Variants in AGTPBP1 observed in about 807,000 individuals in gnomAD.
AGTPBP1 encodes cytosolic carboxypeptidase 1.
Under a neutral mutation model 143.9 loss-of-function variants are expected in AGTPBP1, and 70 were observed. The ratio of observed to expected loss-of-function variants is 0.49; its 90% CI spans 0.40 to 0.59. AGTPBP1 has a LOEUF of 0.59. Ranked by LOEUF, AGTPBP1 falls within the 20% of genes least tolerant of loss-of-function variation. AGTPBP1 has a pLI of 0.00. For missense variants in AGTPBP1, 1,229 were observed against 1,464.5 expected, an observed-to-expected ratio of 0.84 and a Z score of 2.62; for synonymous variants, 463 against 500.2, an observed-to-expected ratio of 0.93 and a Z score of 0.99.
At chr9:85,625,914 T>TTG (rs1831259056) in intron 14 of AGTPBP1, among the ~76,000 whole-genome samples, 1 of 148,916 alleles carries the variant, frequency 6.7e-6, no homozygotes, top group African/African-American at 2.4e-5. Context: ...GTTTTTTTTT[T>TTG]TTTTTTTTTT....
At position 85,706,801 on chromosome 9, in the gene AGTPBP1, G is replaced by A. The variant is rs1395225036; in HGVS notation, c.32+5701C>T. Among the ~76,000 whole-genome samples, 8 of 152,112 alleles carry A rather than the reference G, an allele frequency of 5.3e-5. No homozygotes were observed. The South Asian group carries it at 6.2e-4, about 12-fold the overall frequency. ...TGAGGCAGGAGAATGGCGTAAACCC[G>A]GGAGGCAGAGCTTGCAGTGAGCCGA... On this transcript the variant is annotated intron_variant, in intron 2 of 25. Coordinates refer to ENST00000357081, the MANE Select transcript of AGTPBP1 (RefSeq NM_001330701.2).
At chr9:85,774,131 T>C in the AGTPBP1 span, 4 of 876,684 alleles carry the variant, frequency 4.6e-6, no homozygotes, top group Admixed American at 8.8e-5. Flanking sequence ...AAGCTCAACA[T>C]GTTTAAATAG....
chr9:85,571,731 T>C (rs895086256), intron 25 of AGTPBP1, among the ~76,000 whole-genome samples: 1 of 152,214 alleles, frequency 6.6e-6, no homozygotes, highest in African/African-American at 2.4e-5. Context: ...ACAGTATCCA[T>C]GATAGTCTTG....
chr9:85,575,852 G>T (rs1470222807), intron 24 of AGTPBP1, among the ~76,000 whole-genome samples: 1 of 152,106 alleles, frequency 6.6e-6, no homozygotes, highest in Non-Finnish European at 1.5e-5. Flanking sequence ...GTATGCTAAT[G>T]TTGAAATATT....
At chr9:85,681,433 T>C in intron 3 of AGTPBP1, 98 bp from the exon 4 acceptor site, 1 of 945,172 alleles carries the variant, frequency 1.1e-6, no homozygotes, top group South Asian at 1.6e-5. Flanking sequence ...AAGTCTCCAC[T>C]GGTACAGTAA....
chr9:85,632,584 C>T, intron 14 of AGTPBP1, 78 bp downstream of exon 14: 2 of 1,258,266 alleles, frequency 1.6e-6, no homozygotes, highest in Non-Finnish European at 2.2e-6. Context: ...TTCCTAAATG[C>T]CCAAAGTAAT....
chr9:85,724,588 T>C (rs542577223), intron 1 of AGTPBP1, among the ~76,000 whole-genome samples: 2 of 152,308 alleles, frequency 1.3e-5, no homozygotes, highest in Admixed American at 6.5e-5. Context: ...GCAACCAAAA[T>C]AGATTATTTC....
the AGTPBP1 span, chr9:85,787,955 T>A: frequency 6.6e-6 from 1 of 152,210 alleles, no homozygotes; most frequent in Non-Finnish European, 1.5e-5. Flanking sequence ...TGTCACCCTG[T>A]GCTCAAAGAC....
the AGTPBP1 span, among the ~76,000 whole-genome samples, chr9:85,760,387 C>A: frequency 1.3e-5 from 2 of 152,118 alleles, no homozygotes; most frequent in African/African-American, 4.8e-5. Context: ...ATTGGCAAAC[C>A]AAATCCAGCA....
rs79643744 is a variant in AGTPBP1, at chr9:85,617,865, A to T, written c.2335+1118T>A. Among the ~76,000 whole-genome samples the T allele has an allele frequency of 7.2e-3, 1,102 of 152,282 alleles. 23 individuals carry two copies. The highest frequency in any genetic ancestry group is 0.025 in the African/African-American group (1,026 of 41,542). ...ACATTTAACAACTTAGAAGAAATGG[A>T]CCAATTCCTAAAAAGCACAAACTAC... On this transcript the variant is annotated intron_variant, in intron 17 of 25. Coordinates refer to ENST00000357081, the MANE Select transcript of AGTPBP1 (RefSeq NM_001330701.2).
the AGTPBP1 span, among the ~76,000 whole-genome samples, chr9:85,800,511 G>A: frequency 1.3e-5 from 2 of 152,020 alleles, no homozygotes; most frequent in East Asian, 3.9e-4. Context: ...TTTATTCAGC[G>A]GGGATCTCTT....
chr9:85,662,791 T>C (rs1833921224), intron 8 of AGTPBP1, among the ~76,000 whole-genome samples: 1 of 152,138 alleles, frequency 6.6e-6, no homozygotes, highest in Non-Finnish European at 1.5e-5. Context: ...CAATCAGAAA[T>C]GTCAGTCTCC....
the AGTPBP1 span, among the ~76,000 whole-genome samples, chr9:85,767,115 A>G: frequency 6.6e-6 from 1 of 150,932 alleles, no homozygotes; most frequent in Non-Finnish European, 1.5e-5. Flanking sequence ...GGAGGAAAAT[A>G]TAAGAACTAT....
chr9:85,602,222 A>G (rs1362921858), intron 17 of AGTPBP1, among the ~76,000 whole-genome samples: 1 of 152,252 alleles, frequency 6.6e-6, no homozygotes, highest in Non-Finnish European at 1.5e-5. Flanking sequence ...GAGATACAAG[A>G]GAACACAGAT....
At chr9:85,624,129 C>T (rs756725407) in intron 14 of AGTPBP1, among the ~76,000 whole-genome samples, 7 of 152,088 alleles carry the variant, frequency 4.6e-5, no homozygotes, top group Non-Finnish European at 1.0e-4. Context: ...AATCTCATTG[C>T]TATATTTATT....
intron 25 of AGTPBP1, among the ~76,000 whole-genome samples, chr9:85,551,094 T>C (rs1402879454): frequency 1.5e-5 from 2 of 130,242 alleles, no homozygotes; most frequent in Non-Finnish European, 3.0e-5. Context: ...GCTCCCGCTA[T>C]GCCTTCCACG....
chr9:85,736,146 A>C (rs1006749247), intron 1 of AGTPBP1, among the ~76,000 whole-genome samples: 7 of 152,180 alleles, frequency 4.6e-5, no homozygotes, highest in African/African-American at 1.4e-4. Flanking sequence ...TTTATATAGA[A>C]ATGTACTACC....
intron 23 of AGTPBP1, among the ~76,000 whole-genome samples, chr9:85,579,581 T>TTGTGTG (rs34698411): frequency 4.9e-5 from 7 of 143,876 alleles, no homozygotes; most frequent in East Asian, 2.1e-4. Flanking sequence ...CCCTGAGAAA[T>TTGTGTG]TGTGTGTGTG....
At chr9:85,586,041 C>T (rs773397022) in intron 22 of AGTPBP1, among the ~76,000 whole-genome samples, 2 of 151,942 alleles carry the variant, frequency 1.3e-5, no homozygotes, top group African/African-American at 2.4e-5. Flanking sequence ...GGTAAAACCC[C>T]GTCTCTACCA....
Sources: allele counts gnomAD v4.1 joint callset (sites outside exome capture counted in the v4.1 genomes callset), GRCh38; gene constraint gnomAD v4.1.1; transcripts MANE v1.5; gene names NCBI Gene and HGNC (gene_info 2026-07-23, HGNC 2026-07-21).